The following JAM3 variants were observed in gnomAD, a reference collection of about 807,000 sequenced individuals.
JAM3 encodes the protein junctional adhesion molecule 3.
In JAM3, 31 loss-of-function variants were observed where a neutral mutation model predicts 39.4. That is an observed-to-expected ratio of 0.79 (90% CI 0.59 to 1.06). The LOEUF (loss-of-function observed/expected upper bound fraction) is 1.06. JAM3 is among the 50% of genes least tolerant of loss of function. JAM3 has a pLI of 0.00. For missense variants in JAM3, 455 were observed against 391.4 expected, an observed-to-expected ratio of 1.16 and a Z score of -1.37; for synonymous variants, 182 against 148.7, an observed-to-expected ratio of 1.22 and a Z score of -1.63.
At chr11:134,146,351 G>A (rs571556559) in intron 6 of JAM3, among the ~76,000 whole-genome samples, 182 of 152,290 alleles carry the variant, frequency 1.2e-3, no homozygotes, top group African/African-American at 4.0e-3. Flanking sequence ...TTATCAAAAT[G>A]TAAGGTGGTG....
At chr11:134,096,549 G>A (rs1941988012) in intron 1 of JAM3, among the ~76,000 whole-genome samples, 1 of 152,048 alleles carries the variant, frequency 6.6e-6, no homozygotes. Flanking sequence ...CAAATCCAGG[G>A]GCCAGTTGTT....
chr11:134,110,288 C>G (rs1278520335), intron 1 of JAM3, among the ~76,000 whole-genome samples: 1 of 152,148 alleles, frequency 6.6e-6, no homozygotes, highest in African/African-American at 2.4e-5. Context: ...TTATTTGATT[C>G]AGTTATTATA....
intron 1 of JAM3, among the ~76,000 whole-genome samples, chr11:134,127,937 CCAGA>C (rs1404761759): frequency 6.6e-6 from 1 of 152,104 alleles, no homozygotes; most frequent in Non-Finnish European, 1.5e-5. Context: ...CACTGGATGT[CCAGA>C]CAGACATGCC....
intron 1 of JAM3, among the ~76,000 whole-genome samples, chr11:134,114,638 C>G (rs1942385758): frequency 6.6e-6 from 1 of 152,128 alleles, no homozygotes; most frequent in South Asian, 2.1e-4. Context: ...GTGTTAGTTT[C>G]CAAACATTAG....
intron 1 of JAM3, among the ~76,000 whole-genome samples, chr11:134,125,970 C>T (rs1326434408): frequency 6.6e-6 from 1 of 152,188 alleles, no homozygotes; most frequent in Admixed American, 6.5e-5. Flanking sequence ...TGCTCTATGT[C>T]AAAATCATGC....
At chr11:134,129,276 C>G (rs940774649) in intron 1 of JAM3, among the ~76,000 whole-genome samples, 1 of 152,092 alleles carries the variant, frequency 6.6e-6, no homozygotes, top group African/African-American at 2.4e-5. Flanking sequence ...GCCACCATGC[C>G]TGGCTAATTT....
At chr11:134,113,115 A>T (rs1452822115) in intron 1 of JAM3, among the ~76,000 whole-genome samples, 1 of 152,110 alleles carries the variant, frequency 6.6e-6, no homozygotes, top group Non-Finnish European at 1.5e-5. Context: ...AAGGGATCAT[A>T]AATGTTTTAC....
chr11:134,144,432 G>A, intron 4 of JAM3, 39 bp downstream of exon 4: 1 of 1,609,800 alleles, frequency 6.2e-7, no homozygotes, highest in Non-Finnish European at 8.5e-7. Context: ...GCCACCATAG[G>A]ATGCAAGAGA....
At chr11:134,130,424 C>A (rs1487805766) in intron 1 of JAM3, among the ~76,000 whole-genome samples, 1 of 151,770 alleles carries the variant, frequency 6.6e-6, no homozygotes, top group Non-Finnish European at 1.5e-5. Flanking sequence ...GAATCAGATA[C>A]AAAGATGAAT....
At chr11:134,115,603 T>C (rs470966) in intron 1 of JAM3, among the ~76,000 whole-genome samples, 60,058 of 151,908 alleles carry the variant, frequency 0.4, 12,920 homozygotes, top group African/African-American at 0.58. Flanking sequence ...ACTTGGTTTA[T>C]AGATTGGGGG....
chr11:134,123,022 G>A (rs868616148), intron 1 of JAM3, among the ~76,000 whole-genome samples: 1 of 152,300 alleles, frequency 6.6e-6, no homozygotes, highest in Middle Eastern at 3.4e-3. Flanking sequence ...ACTTCTTTGA[G>A]AAGAGACTCC....
chr11:134,133,497 C>G (rs116671033), intron 1 of JAM3, among the ~76,000 whole-genome samples: 3 of 152,096 alleles, frequency 2.0e-5, no homozygotes, highest in Non-Finnish European at 4.4e-5. Flanking sequence ...GTGTTTTTAT[C>G]TTGAAAGGAT....
chr11:134,098,666 T>C (rs1942025400), intron 1 of JAM3, among the ~76,000 whole-genome samples: 2 of 152,176 alleles, frequency 1.3e-5, no homozygotes, highest in African/African-American at 2.4e-5. Flanking sequence ...ACTGAACTCA[T>C]GAATTAGACA....
intron 1 of JAM3, among the ~76,000 whole-genome samples, chr11:134,089,231 A>G (rs1267339413): frequency 6.6e-6 from 1 of 152,208 alleles, no homozygotes; most frequent in Non-Finnish European, 1.5e-5. Flanking sequence ...TTCTGCACAC[A>G]TACTAAGCAG....
chr11:134,147,426 C>T (rs1943094041), intron 6 of JAM3, among the ~76,000 whole-genome samples: 1 of 136,012 alleles, frequency 7.4e-6, no homozygotes, highest in Non-Finnish European at 1.5e-5. Context: ...AGAACTCCAG[C>T]CTGGGTGACG....
chr11:134,136,190 T>C (rs1295129653), intron 1 of JAM3, among the ~76,000 whole-genome samples: 1 of 152,226 alleles, frequency 6.6e-6, no homozygotes, highest in Non-Finnish European at 1.5e-5. Flanking sequence ...GCAGTTTTCC[T>C]TTTTCCGCCT....
intron 1 of JAM3, among the ~76,000 whole-genome samples, chr11:134,128,114 G>C (rs934674053): frequency 6.6e-6 from 1 of 152,106 alleles, no homozygotes; most frequent in Admixed American, 6.5e-5. Flanking sequence ...TTTCCTCTTG[G>C]GCTTTTTAGC....
intron 1 of JAM3, among the ~76,000 whole-genome samples, chr11:134,136,077 AAAC>A (rs1942860208): frequency 6.6e-6 from 1 of 152,162 alleles, no homozygotes; most frequent in South Asian, 2.1e-4. Context: ...TCAAAAAACA[AAAC>A]AAAAACTGCT....
chr11:134,136,618 C>T (rs900289779), intron 1 of JAM3, among the ~76,000 whole-genome samples: 1 of 152,176 alleles, frequency 6.6e-6, no homozygotes, highest in African/African-American at 2.4e-5. Context: ...TGCAGATAGT[C>T]ATTTAAGCTA....
Sources: allele counts gnomAD v4.1 joint callset (sites outside exome capture counted in the v4.1 genomes callset), GRCh38; gene constraint gnomAD v4.1.1; transcripts MANE v1.5; gene names NCBI Gene and HGNC (gene_info 2026-07-23, HGNC 2026-07-21).